Variants in EXOC1 observed in about 807,000 individuals in gnomAD.
The protein encoded by EXOC1 is SEC3-like 1.
EXOC1 carries 67 observed loss-of-function variants against 107.7 expected under a neutral mutation model. The observed-to-expected ratio is 0.62, with a 90% CI of 0.51 to 0.76. EXOC1 has a LOEUF of 0.76. Among genes scored for constraint, EXOC1 ranks in the 30% least tolerant of loss-of-function variants. EXOC1 has a pLI of 0.00. For missense variants in EXOC1, 833 were observed against 1,055.7 expected (o/e 0.79, Z 2.92); for synonymous variants, 348 against 353.5 (o/e 0.98, Z 0.17).
At chr4:55,862,707 G>GAT (rs1390342192) in intron 3 of EXOC1, among the ~76,000 whole-genome samples, 2 of 152,086 alleles carry the variant, frequency 1.3e-5, no homozygotes, top group African/African-American at 2.4e-5. Flanking sequence ...TGATTCCTGA[G>GAT]ATACTCCAGT....
chr4:55,877,024 G>C, intron 8 of EXOC1: 1 of 984,810 alleles, frequency 1.0e-6, no homozygotes, highest in Non-Finnish European at 1.2e-6. Context: ...TGAATAGTCT[G>C]TATTTAAAAG....
intron 8 of EXOC1, chr4:55,876,653 C>T (rs1722925142): frequency 3.0e-6 from 3 of 985,248 alleles, no homozygotes; most frequent in Non-Finnish European, 3.6e-6. Context: ...TGTTCTAGTT[C>T]TTGTTATTTT....
intron 3 of EXOC1, 92 bp downstream of exon 3, chr4:55,860,633 A>G: frequency 7.0e-7 from 1 of 1,423,904 alleles, no homozygotes; most frequent in Non-Finnish European, 9.5e-7. Context: ...CTAAAAACAA[A>G]TTAATATATA....
intron 13 of EXOC1, among the ~76,000 whole-genome samples, chr4:55,892,152 G>T (rs1002267856): frequency 9.9e-5 from 15 of 152,182 alleles, no homozygotes; most frequent in African/African-American, 3.4e-4. Flanking sequence ...AGTGTTCATT[G>T]TTATGGTAGT....
At chr4:55,881,819 T>A (rs1723407571) in intron 9 of EXOC1, among the ~76,000 whole-genome samples, 1 of 152,138 alleles carries the variant, frequency 6.6e-6, no homozygotes, top group Non-Finnish European at 1.5e-5. Context: ...GCTTGACTTT[T>A]CCCTATAACT....
At chr4:55,898,288 A>G (rs1027269724) in intron 16 of EXOC1, among the ~76,000 whole-genome samples, 2 of 152,200 alleles carry the variant, frequency 1.3e-5, no homozygotes, top group Non-Finnish European at 2.9e-5. Context: ...GAATGAATTC[A>G]TTATTCGTTC....
chr4:55,894,614 C>CTTT (rs772700227), intron 15 of EXOC1, among the ~76,000 whole-genome samples: 1,261 of 76,150 alleles, frequency 0.017, 69 homozygotes, highest in East Asian at 0.027. Context: ...CTATCTGTTA[C>CTTT]TTTTTTTTTT....
chr4:55,880,853 T>C (rs1246630762), intron 9 of EXOC1, among the ~76,000 whole-genome samples: 1 of 152,170 alleles, frequency 6.6e-6, no homozygotes, highest in Non-Finnish European at 1.5e-5. Flanking sequence ...CGTCATCCTG[T>C]GATTTGAGCT....
intron 15 of EXOC1, among the ~76,000 whole-genome samples, chr4:55,895,490 T>G (rs944562511): frequency 4.6e-5 from 7 of 152,208 alleles, no homozygotes; most frequent in Non-Finnish European, 8.8e-5. Flanking sequence ...ACAGATAATA[T>G]GAAATAACTG....
chr4:55,900,231 C>T (rs923647239), intron 17 of EXOC1, among the ~76,000 whole-genome samples: 4 of 151,988 alleles, frequency 2.6e-5, no homozygotes, highest in South Asian at 2.1e-4. Flanking sequence ...AAAACTTGCC[C>T]GACATCATAA....
chr4:55,861,019 T>C (rs1415326578), intron 3 of EXOC1, among the ~76,000 whole-genome samples: 2 of 150,322 alleles, frequency 1.3e-5, no homozygotes, highest in East Asian at 3.9e-4. Flanking sequence ...ATGTAGATAA[T>C]AAGATCTATG....
rs1025263579 is a variant in EXOC1 at position 55,904,700 on chromosome 4, A to C, written c.*205A>C. On this transcript the variant is annotated 3_prime_UTR_variant, in exon 19 of 19. Transcript: ENST00000381295. ...CAGTTTTATTTGCCCTATAGGTTGC[A>C]TACTAACTTAAGCATTCATGTCACC... is the stretch of plus-strand genomic sequence containing the variant. 4.9e-6 allele frequency: 2 copies of C among 408,156 alleles called. No individual in the cohort carries two copies. The highest frequency in any genetic ancestry group is 8.4e-6 in the Non-Finnish European group (2 of 236,728). 25.3% of individuals were successfully genotyped at this position (408,156 alleles called of 1,614,324 possible).
At chr4:55,871,376 A>G in intron 7 of EXOC1, 143 bp downstream of exon 7, 1 of 1,098,984 alleles carries the variant, frequency 9.1e-7, no homozygotes, top group South Asian at 1.8e-5. Flanking sequence ...CTGATTTCCC[A>G]ACTTATTTCT....
chr4:55,859,278 A>C (rs1218237051), intron 2 of EXOC1, among the ~76,000 whole-genome samples: 1 of 152,014 alleles, frequency 6.6e-6, no homozygotes, highest in Admixed American at 6.5e-5. Context: ...ACAGTTCTCT[A>C]TTTATCTAGG....
intron 5 of EXOC1, 137 bp from the exon 6 acceptor site, chr4:55,870,541 A>T: frequency 1.4e-6 from 1 of 691,716 alleles, no homozygotes; most frequent in Non-Finnish European, 2.5e-6. Context: ...ATGTGTAGGT[A>T]TATATCAATT....
In EXOC1 at chr4:55,858,299, C is replaced by T. The variant is rs746366813; in HGVS notation, c.-10-15C>T. On this transcript the variant is annotated splice_polypyrimidine_tract_variant and intron_variant, in intron 1 of 18. Coordinates refer to ENST00000381295, the MANE Select transcript of EXOC1 (RefSeq NM_001024924.2). ...GTTGAGGGTGAGCTTAATATCTATA[C>T]TCCACATTTTTCAGCTGAGAAAAGA... 1.9e-6 allele frequency: 3 copies of T among 1,591,942 alleles called. No homozygotes were observed. Among genetic ancestry groups the T allele is most frequent in the Non-Finnish European group, 2.6e-6 (3 of 1,170,848 alleles).
chr4:55,876,418 CCAAG>C (rs1722899292), intron 8 of EXOC1: 1 of 705,546 alleles, frequency 1.4e-6, no homozygotes, highest in East Asian at 1.3e-4. Flanking sequence ...TATAATCACT[CCAAG>C]CACATGTTTT....
intron 4 of EXOC1, among the ~76,000 whole-genome samples, chr4:55,867,582 G>C (rs775571646): frequency 4.1e-5 from 6 of 146,282 alleles, no homozygotes; most frequent in Non-Finnish European, 9.0e-5. Flanking sequence ...AAAAAAAAAT[G>C]AACTGAAACA....
rs563747463 is a variant in EXOC1, at chr4:55,902,075, A to G, written c.2338-269A>G. ...ATATTATGCAGCCATTAAAATTTATATTTAGGAAAAAACAATATTAAATGT... is the reference window on the plus strand; with the variant it reads ...ATATTATGCAGCCATTAAAATTTATGTTTAGGAAAAAACAATATTAAATGT... On this transcript the variant is annotated intron_variant, in intron 17 of 18. Coordinates refer to ENST00000381295, the MANE Select transcript of EXOC1 (RefSeq NM_001024924.2). 35 of 218,992 alleles carry G rather than the reference A, an allele frequency of 1.6e-4. No homozygotes were observed. The East Asian group carries it at 3.1e-3, about 20-fold the overall frequency. 13.6% of individuals were successfully genotyped at this position (218,992 alleles called of 1,614,324 possible).
Sources: allele counts gnomAD v4.1 joint callset (sites outside exome capture counted in the v4.1 genomes callset), GRCh38; gene constraint gnomAD v4.1.1; transcripts MANE v1.5; gene names NCBI Gene and HGNC (gene_info 2026-07-23, HGNC 2026-07-21).